Variants in VRK2 observed in about 807,000 individuals in gnomAD.
VRK2 encodes the protein serine/threonine-protein kinase VRK2.
Under a neutral mutation model 57.6 loss-of-function variants are expected in VRK2, and 60 were observed. The observed-to-expected ratio is 1.04, with a 90% CI of 0.85 to 1.29. VRK2 has a LOEUF of 1.29. Among genes scored for constraint, VRK2 ranks in the 50% most tolerant of loss-of-function variants. The pLI is 0.00. For synonymous variants in VRK2, 231 were observed against 199.2 expected (o/e 1.16, Z -1.35); for missense variants, 705 against 588.1 (o/e 1.20, Z -2.06).
intron 7 of VRK2, among the ~76,000 whole-genome samples, chr2:58,108,116 T>C (rs899273662): frequency 6.6e-6 from 1 of 152,190 alleles, no homozygotes; most frequent in African/African-American, 2.4e-5. Flanking sequence ...ACAGAAGTGA[T>C]TGAGTCATTT....
At chr2:58,155,837 G>T (rs1027070800) in intron 12 of VRK2, among the ~76,000 whole-genome samples, 1 of 150,788 alleles carries the variant, frequency 6.6e-6, no homozygotes, top group Non-Finnish European at 1.5e-5. Flanking sequence ...TTCACCTAGG[G>T]TTCAGCAGGT....
chr2:57,935,501 C>T (rs1453654492), intron 1 of VRK2, among the ~76,000 whole-genome samples: 1 of 152,072 alleles, frequency 6.6e-6, no homozygotes. Flanking sequence ...TTTTCCTATC[C>T]TTAGGTATGT....
At chr2:57,954,719 G>T (rs1341449877) in intron 1 of VRK2, among the ~76,000 whole-genome samples, 1 of 151,792 alleles carries the variant, frequency 6.6e-6, no homozygotes, top group Non-Finnish European at 1.5e-5. Flanking sequence ...CATACGCCCA[G>T]GCCCACCTGT....
intron 7 of VRK2, among the ~76,000 whole-genome samples, chr2:58,090,801 G>A (rs1672271951): frequency 6.6e-6 from 1 of 152,152 alleles, no homozygotes; most frequent in African/African-American, 2.4e-5. Flanking sequence ...AAACATTGAA[G>A]TAACCAAGAT....
chr2:57,925,854 T>C (rs1458652444), intron 1 of VRK2, among the ~76,000 whole-genome samples: 1 of 151,924 alleles, frequency 6.6e-6, no homozygotes, highest in Non-Finnish European at 1.5e-5. Flanking sequence ...TTTCTTGATA[T>C]AGATGTGTAT....
intron 1 of VRK2, among the ~76,000 whole-genome samples, chr2:58,002,115 A>G (rs1673108222): frequency 1.3e-5 from 2 of 152,234 alleles, no homozygotes; most frequent in East Asian, 1.9e-4. Flanking sequence ...TGTGAAAAAT[A>G]TAATAGAGAA....
chr2:57,984,065 A>G (rs1242604284), intron 1 of VRK2, among the ~76,000 whole-genome samples: 2 of 152,204 alleles, frequency 1.3e-5, no homozygotes, highest in Non-Finnish European at 2.9e-5. Context: ...AAAGGGCCAC[A>G]GAGTAAATAT....
At chr2:58,091,412 A>G (rs1346812921) in intron 7 of VRK2, among the ~76,000 whole-genome samples, 3 of 152,124 alleles carry the variant, frequency 2.0e-5, no homozygotes, top group African/African-American at 7.2e-5. Flanking sequence ...AGTCTGTTTA[A>G]AAAATGTAGA....
At chr2:58,087,335 A>T (rs1671771470) in intron 5 of VRK2, among the ~76,000 whole-genome samples, 1 of 152,182 alleles carries the variant, frequency 6.6e-6, no homozygotes, top group South Asian at 2.1e-4. Context: ...CCACTGGGGG[A>T]CTGAATGGCT....
At chr2:57,952,793 A>G (rs1047964763) in intron 1 of VRK2, among the ~76,000 whole-genome samples, 2 of 151,894 alleles carry the variant, frequency 1.3e-5, no homozygotes, top group Admixed American at 6.6e-5. Flanking sequence ...TGCATTGTTA[A>G]TTGAAACCCA....
intron 1 of VRK2, among the ~76,000 whole-genome samples, chr2:57,922,453 C>G (rs1340475430): frequency 1.1e-5 from 1 of 91,548 alleles, no homozygotes; most frequent in Non-Finnish European, 2.2e-5. Context: ...TAGTTACCTT[C>G]TTGTGTGTGT....
chr2:57,932,225 A>G (rs1670751895), intron 1 of VRK2, among the ~76,000 whole-genome samples: 1 of 152,076 alleles, frequency 6.6e-6, no homozygotes, highest in Admixed American at 6.6e-5. Context: ...AAGATAAACT[A>G]GTAGTGTTCC....
chr2:57,925,181 AT>A (rs1034615417), intron 1 of VRK2, among the ~76,000 whole-genome samples: 6 of 151,712 alleles, frequency 4.0e-5, no homozygotes, highest in Admixed American at 2.0e-4. Context: ...TTTTTGATAT[AT>A]CTTTGTCTGG....
chr2:57,967,447 AACAATT>A (rs1430836497), intron 1 of VRK2, among the ~76,000 whole-genome samples: 1 of 152,118 alleles, frequency 6.6e-6, no homozygotes, highest in Non-Finnish European at 1.5e-5. Context: ...AGGTTAAGCC[AACAATT>A]TCCATGGGTG....
At chr2:57,929,246 G>A (rs541065176) in intron 1 of VRK2, among the ~76,000 whole-genome samples, 47 of 152,292 alleles carry the variant, frequency 3.1e-4, no homozygotes, top group African/African-American at 1.1e-3. Flanking sequence ...ATTCTACTGT[G>A]GCTGAGTTGG....
At chr2:58,019,385 T>C (rs1030020823) in intron 1 of VRK2, among the ~76,000 whole-genome samples, 3 of 152,200 alleles carry the variant, frequency 2.0e-5, no homozygotes, top group African/African-American at 7.2e-5. Context: ...ATATTAACTT[T>C]AGCATTTAGC....
At chr2:58,138,890 A>T (rs1680919154) in intron 10 of VRK2, among the ~76,000 whole-genome samples, 1 of 152,206 alleles carries the variant, frequency 6.6e-6, no homozygotes, top group Admixed American at 6.6e-5. Flanking sequence ...TGAAACAGAA[A>T]TGCAAGCTAC....
At chr2:57,957,668 A>G (rs1671630182) in intron 1 of VRK2, among the ~76,000 whole-genome samples, 1 of 149,474 alleles carries the variant, frequency 6.7e-6, no homozygotes, top group African/African-American at 2.4e-5. Context: ...AGACATAGAT[A>G]TTTGACCACA....
At chr2:58,015,777 T>C (rs1359170359) in intron 1 of VRK2, among the ~76,000 whole-genome samples, 3 of 152,206 alleles carry the variant, frequency 2.0e-5, no homozygotes, top group Admixed American at 6.5e-5. Flanking sequence ...TTGTGAGCCA[T>C]TGCACAGCAT....
Sources: allele counts gnomAD v4.1 joint callset (sites outside exome capture counted in the v4.1 genomes callset), GRCh38; gene constraint gnomAD v4.1.1; transcripts MANE v1.5; gene names NCBI Gene and HGNC (gene_info 2026-07-23, HGNC 2026-07-21).